Variants in MAK observed in about 807,000 individuals in gnomAD.
MAK encodes male germ cell associated kinase.
A neutral mutation model predicts 82.6 loss-of-function variants in MAK; 65 were observed. The ratio of observed to expected loss-of-function variants is 0.79; its 90% confidence interval spans 0.64 to 0.97. The LOEUF is 0.97. Among genes scored for constraint, MAK ranks in the 50% least tolerant of loss-of-function variants. The probability of loss-of-function intolerance (pLI) is 0.00; values close to 1 mark genes in which losing one functional copy is unlikely to be tolerated. For synonymous variants in MAK, 250 were observed against 274.2 expected, an observed-to-expected ratio of 0.91 and a Z score of 0.87; for missense variants, 703 against 780.2, an observed-to-expected ratio of 0.90 and a Z score of 1.18.
intron 7 of MAK, chr6:10,802,342 G>T (rs921850563): frequency 8.5e-6 from 3 of 353,744 alleles, no homozygotes. Flanking sequence ...ATCTGGCTCT[G>T]TTATCCAGGT....
rs147461825 is a variant in MAK, at chr6:10,835,911, G to A, written c.-230+2592C>T. ...AGCCACCCCCATCACCACCGCCCTG[G>A]GGTGGGAGGGTGACCTGAAGCTGCA... On this transcript the variant is annotated intron_variant, in intron 1 of 14. Coordinates refer to ENST00000354489, the MANE Select transcript of MAK (RefSeq NM_001242957.3). Among the ~76,000 whole-genome samples, 1,477 of 152,284 alleles carry A rather than the reference G, an allele frequency of 9.7e-3. 27 individuals are homozygous for A. The highest frequency in any genetic ancestry group is 0.034 in the African/African-American group (1,403 of 41,540).
intron 11 of MAK, chr6:10,779,274 T>C: frequency 5.4e-6 from 5 of 929,802 alleles, no homozygotes; most frequent in Non-Finnish European, 6.4e-6. Context: ...AGCTTTCAAT[T>C]GCATACTGTA....
chr6:10,825,333 T>C (rs949582674), intron 2 of MAK, among the ~76,000 whole-genome samples: 2 of 152,188 alleles, frequency 1.3e-5, no homozygotes, highest in South Asian at 2.1e-4. Flanking sequence ...CTTCTGCTTC[T>C]TTAGATCTTT....
rs1162087681 is a variant in MAK, at chr6:10,811,043, G to GTGACACCCAGTGGAGTGGGTGTCACTT, written c.359-2102_359-2101insAAGTGACACCCACTCCACTGGGTGTCA. Among the ~76,000 whole-genome samples the GTGACACCCAGTGGAGTGGGTGTCACTT allele has an allele frequency of 4.6e-5, 7 of 152,056 alleles. No homozygotes were observed. The South Asian group carries it at 1.5e-3, about 32-fold the overall frequency. ...AGACAGAGTCTTGCTCTGTCACCCA[G>GTGACACCCAGTGGAGTGGGTGTCACTT]GCTGGAGTGCAGTGGCATGATCTCA... On this transcript the variant is annotated intron_variant, in intron 5 of 14. Coordinates refer to ENST00000354489, the MANE Select transcript of MAK (RefSeq NM_001242957.3).
At chr6:10,785,295 A>G (rs961551846) in intron 10 of MAK, among the ~76,000 whole-genome samples, 1 of 152,110 alleles carries the variant, frequency 6.6e-6, no homozygotes, top group Non-Finnish European at 1.5e-5. Flanking sequence ...GCAGTGCGTG[A>G]GGCGGCCATT....
chr6:10,779,515 A>C, intron 11 of MAK: 1 of 983,140 alleles, frequency 1.0e-6, no homozygotes, highest in African/African-American at 1.7e-5. Context: ...TATATGGTAC[A>C]TTTCTAGAGC....
At chr6:10,798,408 C>T (rs572256568) in intron 8 of MAK, among the ~76,000 whole-genome samples, 14 of 151,998 alleles carry the variant, frequency 9.2e-5, no homozygotes, top group Admixed American at 6.6e-5. Flanking sequence ...CCACTGTGCC[C>T]GGCCAACTCT....
At chr6:10,784,329 C>T in intron 11 of MAK, 95 bp downstream of exon 11, 2 of 1,381,574 alleles carry the variant, frequency 1.4e-6, no homozygotes, top group East Asian at 2.3e-5. Flanking sequence ...AGATTTTTTG[C>T]TTCACTGCTG....
At chr6:10,799,061 C>T (rs184421400) in intron 8 of MAK, among the ~76,000 whole-genome samples, 12 of 152,052 alleles carry the variant, frequency 7.9e-5, no homozygotes, top group African/African-American at 2.9e-4. Context: ...AAACTCCTGA[C>T]CTCAAGTGAT....
At chr6:10,798,380 T>C (rs1775742067) in intron 8 of MAK, among the ~76,000 whole-genome samples, 1 of 152,154 alleles carries the variant, frequency 6.6e-6, no homozygotes, top group Non-Finnish European at 1.5e-5. Context: ...CTCAAAGTGC[T>C]AGGATTACAG....
intron 8 of MAK, among the ~76,000 whole-genome samples, chr6:10,798,859 T>G (rs1447365907): frequency 6.6e-6 from 1 of 151,914 alleles, no homozygotes; most frequent in Admixed American, 6.6e-5. Context: ...AGACAGAGTC[T>G]CACTCTGTCA....
chr6:10,827,043 A>G lies in MAK; in HGVS notation c.101+3505T>C, dbSNP rs565288546. Among the ~76,000 whole-genome samples the G allele has an allele frequency of 5.9e-5, 9 of 152,292 alleles. No homozygotes were observed. In the South Asian group the frequency reaches 1.7e-3, roughly 28 times the overall value. On this transcript the variant is annotated intron_variant, in intron 2 of 14. Coordinates refer to ENST00000354489, the MANE Select transcript of MAK (RefSeq NM_001242957.3). ...GAAGAATCGCTTGAACCCAGGAGGC[A>G]GAGGTTGTGGTGAGCTGAGATCGCG...
intron 10 of MAK, among the ~76,000 whole-genome samples, chr6:10,790,100 C>T (rs947967152): frequency 2.6e-5 from 4 of 152,100 alleles, no homozygotes; most frequent in Non-Finnish European, 5.9e-5. Flanking sequence ...ATTTAGTAAC[C>T]CTATGCCATG....
intron 6 of MAK, among the ~76,000 whole-genome samples, chr6:10,807,887 G>GTGAA (rs1441914124): frequency 1.3e-5 from 2 of 151,874 alleles, no homozygotes; most frequent in Non-Finnish European, 2.9e-5. Context: ...GGCTAACACG[G>GTGAA]TGAAACCACG....
intron 2 of MAK, among the ~76,000 whole-genome samples, chr6:10,828,318 G>C (rs1778533963): frequency 6.6e-6 from 1 of 152,130 alleles, no homozygotes; most frequent in Non-Finnish European, 1.5e-5. Flanking sequence ...CATGTCCCGA[G>C]GCTATTCAAA....
intron 8 of MAK, among the ~76,000 whole-genome samples, chr6:10,796,642 C>T (rs138340867): frequency 0.014 from 2,091 of 152,136 alleles, 49 homozygotes; most frequent in African/African-American, 0.048. Context: ...CCAGTCTCTA[C>T]TAAAAATACA....
At chr6:10,837,517 C>G (rs1422182401) in intron 1 of MAK, among the ~76,000 whole-genome samples, 1 of 152,154 alleles carries the variant, frequency 6.6e-6, no homozygotes, top group Non-Finnish European at 1.5e-5. Flanking sequence ...GAGGCGGGGC[C>G]CGATCGAAAA....
chr6:10,816,726 T>G (rs964973020), intron 4 of MAK, among the ~76,000 whole-genome samples: 1 of 152,184 alleles, frequency 6.6e-6, no homozygotes, highest in Non-Finnish European at 1.5e-5. Context: ...CCATCAATAT[T>G]ATATACAATA....
At chr6:10,785,564 A>C (rs961251460) in intron 10 of MAK, among the ~76,000 whole-genome samples, 3 of 152,230 alleles carry the variant, frequency 2.0e-5, no homozygotes, top group Non-Finnish European at 2.9e-5. Flanking sequence ...GCTTGGGGGC[A>C]GTTCTAGGCA....
Sources: allele counts gnomAD v4.1 joint callset (sites outside exome capture counted in the v4.1 genomes callset), GRCh38; gene constraint gnomAD v4.1.1; transcripts MANE v1.5; gene names NCBI Gene and HGNC (gene_info 2026-07-23, HGNC 2026-07-21).